The following CHIC2 variants were observed in gnomAD, a reference collection of about 807,000 sequenced individuals.
CHIC2 encodes the protein cysteine rich hydrophobic domain 2.
Under a neutral mutation model 25.9 loss-of-function variants are expected in CHIC2, and 14 were observed. That is an observed-to-expected ratio of 0.54 (90% CI 0.36 to 0.85). The LOEUF (loss-of-function observed/expected upper bound fraction) is 0.85, where lower values mean the gene tolerates loss of function less well. CHIC2 is among the 40% of genes least tolerant of loss of function. The pLI is 0.01. For missense variants in CHIC2, 146 were observed against 202.0 expected, an observed-to-expected ratio of 0.72 and a Z score of 1.68; for synonymous variants, 70 against 72.0, an observed-to-expected ratio of 0.97 and a Z score of 0.14.
Position 54,064,179 on chromosome 4 carries a change from T to G in CHIC2, c.119+3A>C. On this transcript the variant is annotated splice_donor_region_variant and intron_variant, in intron 1 of 5. Transcript: ENST00000263921. The surrounding 1 kb of genome is among the most constrained non-coding windows in gnomAD (Gnocchi z 4.2). Reference sequence around the variant, plus strand: ...CCCGCCCTCGCCCTCCTCCGGGCCTTACACGGTGACGTGACCGGAGCCGCG... The same window carrying G: ...CCCGCCCTCGCCCTCCTCCGGGCCTGACACGGTGACGTGACCGGAGCCGCG... The G allele has an allele frequency of 6.2e-7, 1 of 1,601,678 alleles. No homozygotes were observed. Among genetic ancestry groups the G allele is most frequent in the Non-Finnish European group, 8.5e-7 (1 of 1,174,288 alleles).
chr4:54,037,672 TA>T (rs1716436283), intron 3 of CHIC2, among the ~76,000 whole-genome samples: 1 of 152,134 alleles, frequency 6.6e-6, no homozygotes, highest in Admixed American at 6.5e-5. Context: ...GGCTGTAAAA[TA>T]AAACACATTT....
At chr4:54,053,508 T>C (rs1372384314) in intron 1 of CHIC2, among the ~76,000 whole-genome samples, 2 of 146,688 alleles carry the variant, frequency 1.4e-5, no homozygotes, top group Non-Finnish European at 3.0e-5. Context: ...TGAGCCAAGA[T>C]TGCGTCACTG....
At chr4:54,089,677 C>G in the CHIC2 span, among the ~76,000 whole-genome samples, 5 of 152,148 alleles carry the variant, frequency 3.3e-5, no homozygotes, top group Admixed American at 6.5e-5. Context: ...AAAAATGCTT[C>G]CAAAGCTGCC....
chr4:54,038,496 CTA>C, intron 3 of CHIC2, among the ~76,000 whole-genome samples: 1 of 152,220 alleles, frequency 6.6e-6, no homozygotes, highest in African/African-American at 2.4e-5. Flanking sequence ...TACATGGAGA[CTA>C]TGTCATGTTC....
the CHIC2 span, among the ~76,000 whole-genome samples, chr4:54,086,233 G>T: frequency 6.6e-6 from 1 of 151,936 alleles, no homozygotes. Flanking sequence ...CAACCAGCTT[G>T]CAAAATGCTG....
chr4:54,091,554 C>T, the CHIC2 span, among the ~76,000 whole-genome samples: 1 of 152,180 alleles, frequency 6.6e-6, no homozygotes, highest in Admixed American at 6.5e-5. Context: ...CACAGCTCCG[C>T]GCACAGGGAT....
intron 1 of CHIC2, among the ~76,000 whole-genome samples, chr4:54,049,643 T>C (rs1232622696): frequency 6.6e-6 from 1 of 152,162 alleles, no homozygotes; most frequent in African/African-American, 2.4e-5. Context: ...ATGGGTGGGA[T>C]AGCGATTTTT....
the CHIC2 span, among the ~76,000 whole-genome samples, chr4:54,085,049 C>T: frequency 6.7e-6 from 1 of 149,760 alleles, no homozygotes; most frequent in Admixed American, 6.7e-5. Flanking sequence ...ATAAAGTGTT[C>T]TACTCCTTAT....
chr4:54,065,306 G>A (rs1717489093), upstream of CHIC2: 2 of 983,988 alleles, frequency 2.0e-6, no homozygotes, highest in Admixed American at 6.2e-5. Context: ...TAAATTACCT[G>A]GATTCCATAT....
rs1174950609 is a variant in CHIC2 at position 54,048,947 on chromosome 4, C to T, written c.330+8G>A. 9.3e-6 allele frequency: 14 copies of T among 1,513,204 alleles called. No individual in the cohort carries two copies. Among genetic ancestry groups the T allele is most frequent in the Non-Finnish European group, 1.1e-5 (13 of 1,133,216 alleles). 93.7% of individuals were successfully genotyped at this position (1,513,204 alleles called of 1,614,324 possible). A position where few individuals can be genotyped will look rare whatever the true frequency, so the allele number is the denominator to read the frequency against. On this transcript the variant is annotated splice_region_variant and intron_variant, in intron 3 of 5. Coordinates refer to ENST00000263921, the MANE Select transcript of CHIC2 (RefSeq NM_012110.4). ...TAAATTTAAATTAAAATATATAATTCAACTTACTCTTTTACTGAGGCAAAT... is the reference window on the plus strand; with the variant it reads ...TAAATTTAAATTAAAATATATAATTTAACTTACTCTTTTACTGAGGCAAAT...
chr4:54,039,775 A>C (rs994337916), intron 3 of CHIC2, among the ~76,000 whole-genome samples: 1 of 152,240 alleles, frequency 6.6e-6, no homozygotes, highest in Non-Finnish European at 1.5e-5. Flanking sequence ...CTTTATTCAA[A>C]AACTGGAAAG....
At chr4:54,029,949 C>A (rs911041320) in intron 3 of CHIC2, among the ~76,000 whole-genome samples, 3 of 152,138 alleles carry the variant, frequency 2.0e-5, no homozygotes, top group African/African-American at 7.2e-5. Context: ...CATTTAGATT[C>A]TCAACACTAC....
At chr4:54,033,566 T>C (rs940428251) in intron 3 of CHIC2, among the ~76,000 whole-genome samples, 1 of 152,180 alleles carries the variant, frequency 6.6e-6, no homozygotes, top group Non-Finnish European at 1.5e-5. Flanking sequence ...TTAGGGATTG[T>C]GCTGCTAATG....
At chr4:54,064,693 G>T, upstream of CHIC2, 27 of 1,003,628 alleles carry the variant, frequency 2.7e-5, no homozygotes, top group Non-Finnish European at 3.2e-5. This position sits in a 1 kb window ranked among gnomAD's most constrained non-coding sequence, Gnocchi z 4.2. Flanking sequence ...GGGCGCGTGC[G>T]TGGGCGCGTG....
At chr4:54,043,014 C>T (rs530275797) in intron 3 of CHIC2, among the ~76,000 whole-genome samples, 232 of 152,236 alleles carry the variant, frequency 1.5e-3, no homozygotes, top group African/African-American at 5.3e-3. Context: ...TTCAACTTAA[C>T]AAAATTTCAT....
Position 54,049,655 on chromosome 4 carries a change from C to T in CHIC2, c.120-350G>A, listed in dbSNP as rs561464492. On this transcript the variant is annotated intron_variant, in intron 1 of 5. Transcript: ENST00000263921. The stretch of plus-strand genomic sequence containing the variant: ...TTAATGGGTGGGATAGCGATTTTTT[C>T]CAGCTTTTAATGTTATTGGTGGAAA... Among the ~76,000 whole-genome samples, 3 of 152,174 alleles carry T rather than the reference C, an allele frequency of 2.0e-5. No homozygotes were observed. In the South Asian group the frequency reaches 6.2e-4, roughly 32 times the overall value.
chr4:54,055,615 T>A (rs1444031500), intron 1 of CHIC2, among the ~76,000 whole-genome samples: 1 of 152,172 alleles, frequency 6.6e-6, no homozygotes, highest in Non-Finnish European at 1.5e-5. Flanking sequence ...TGACAAGACC[T>A]ATGAGCATAT....
intron 3 of CHIC2, among the ~76,000 whole-genome samples, chr4:54,047,559 A>G (rs1004774677): frequency 6.6e-6 from 1 of 150,884 alleles, no homozygotes; most frequent in Non-Finnish European, 1.5e-5. Context: ...ACAAAAAACC[A>G]AACACCGCAT....
chr4:54,045,371 C>T lies in CHIC2; in HGVS notation c.330+3584G>A, dbSNP rs183375592. 1.6e-4 allele frequency among the ~76,000 whole-genome samples: 25 copies of T among 152,296 alleles called. No homozygotes were observed. In the East Asian group the frequency reaches 4.8e-3, roughly 29 times the overall value. ...AAAAAGAGAATTTTAGACCAATATC[C>T]TTGATGAACAGTGATGCAAAAATTC... On this transcript the variant is annotated intron_variant, in intron 3 of 5. Transcript: ENST00000263921.
Sources: allele counts gnomAD v4.1 joint callset (sites outside exome capture counted in the v4.1 genomes callset), GRCh38; gene constraint gnomAD v4.1.1; non-coding constraint Gnocchi (gnomAD v3.1); transcripts MANE v1.5; gene names NCBI Gene and HGNC (gene_info 2026-07-23, HGNC 2026-07-21).